LRP1B: variants seen among roughly 807,000 people sequenced by gnomAD.
The protein encoded by LRP1B is low-density lipoprotein receptor-related protein 1B.
In LRP1B, 217 loss-of-function variants were observed where a neutral mutation model predicts 556.6. The observed-to-expected ratio is 0.39, with a 90% confidence interval of 0.35 to 0.44. The LOEUF (loss-of-function observed/expected upper bound fraction) is 0.44, where lower values mean the gene tolerates loss of function less well. Among genes scored for constraint, LRP1B ranks in the 20% least tolerant of loss-of-function variants. The probability of loss-of-function intolerance (pLI) is 1.00; values close to 1 mark genes in which losing one functional copy is unlikely to be tolerated. For synonymous variants in LRP1B, 2,047 were observed against 1,865.8 expected (o/e 1.10, Z -2.50); for missense variants, 5,053 against 5,620.8 (o/e 0.90, Z 3.23).
intron 7 of LRP1B, among the ~76,000 whole-genome samples, chr2:141,130,109 G>T (rs1400852405): frequency 1.3e-5 from 2 of 151,848 alleles, no homozygotes; most frequent in Non-Finnish European, 2.9e-5. Context: ...TTAAAACAAG[G>T]TAGAGTGGCC....
At chr2:140,688,483 T>C (rs1368229367) in intron 41 of LRP1B, among the ~76,000 whole-genome samples, 1 of 151,690 alleles carries the variant, frequency 6.6e-6, no homozygotes, top group Non-Finnish European at 1.5e-5. Flanking sequence ...AGAAAATGAG[T>C]TTTACAAAGT....
chr2:141,878,409 A>T (rs114733097), intron 1 of LRP1B, among the ~76,000 whole-genome samples: 3,732 of 151,904 alleles, frequency 0.025, 69 homozygotes, highest in South Asian at 0.062. Flanking sequence ...ACACACACAA[A>T]CTCAAGAGCA....
chr2:141,240,613 T>C (rs1683829955), intron 5 of LRP1B, among the ~76,000 whole-genome samples: 2 of 152,110 alleles, frequency 1.3e-5, no homozygotes, highest in South Asian at 4.1e-4. Flanking sequence ...TAGAGGGTGA[T>C]ATAATTTCTC....
chr2:141,018,158 CAT>C (rs1356224176), intron 12 of LRP1B, among the ~76,000 whole-genome samples: 2 of 151,922 alleles, frequency 1.3e-5, no homozygotes, highest in African/African-American at 2.4e-5. Context: ...TCACATAAAA[CAT>C]AGGTTAATCT....
At chr2:141,077,061 A>G (rs1699806539) in intron 7 of LRP1B, among the ~76,000 whole-genome samples, 1 of 152,148 alleles carries the variant, frequency 6.6e-6, no homozygotes, top group Admixed American at 6.5e-5. Context: ...CCTGGCCAAT[A>G]TGGTGAAACC....
intron 2 of LRP1B, among the ~76,000 whole-genome samples, chr2:141,517,350 T>G (rs577498674): frequency 6.6e-6 from 1 of 150,946 alleles, no homozygotes; most frequent in East Asian, 2.0e-4. Context: ...GTTCTGATGC[T>G]AATCTTTCCC....
chr2:141,809,140 T>C (rs1439894912), intron 2 of LRP1B, among the ~76,000 whole-genome samples: 2 of 152,144 alleles, frequency 1.3e-5, no homozygotes, highest in Non-Finnish European at 2.9e-5. Flanking sequence ...CTATAAACTC[T>C]TCCTGTGGAA....
intron 3 of LRP1B, among the ~76,000 whole-genome samples, chr2:141,284,119 C>T (rs537542870): frequency 6.6e-6 from 1 of 152,196 alleles, no homozygotes; most frequent in Admixed American, 6.5e-5. Context: ...AATAAAAATG[C>T]ACAGTGGTCT....
intron 1 of LRP1B, among the ~76,000 whole-genome samples, chr2:141,886,386 G>A (rs1699113754): frequency 6.6e-6 from 1 of 152,120 alleles, no homozygotes; most frequent in South Asian, 2.1e-4. Context: ...ATGCAACACT[G>A]AAAATGAATG....
At chr2:141,839,585 A>C (rs1214107822) in intron 1 of LRP1B, among the ~76,000 whole-genome samples, 3 of 152,188 alleles carry the variant, frequency 2.0e-5, no homozygotes, top group Non-Finnish European at 2.9e-5. Context: ...TTAGGCTGTA[A>C]CAGTGGTTAG....
At chr2:141,775,923 A>G (rs1695054990) in intron 2 of LRP1B, among the ~76,000 whole-genome samples, 1 of 150,874 alleles carries the variant, frequency 6.6e-6, no homozygotes. Flanking sequence ...GCTCACTGCA[A>G]GCTCCGCCTC....
At chr2:141,833,818 C>G (rs6720677) in intron 1 of LRP1B, among the ~76,000 whole-genome samples, 15 of 147,514 alleles carry the variant, frequency 1.0e-4, no homozygotes, top group African/African-American at 4.0e-4. Flanking sequence ...TGAGGGCACC[C>G]TTCCTTTCTT....
At chr2:141,950,670 G>A (rs374227003) in intron 1 of LRP1B, among the ~76,000 whole-genome samples, 73 of 151,946 alleles carry the variant, frequency 4.8e-4, no homozygotes, top group Non-Finnish European at 8.2e-4. Context: ...TCTTAGAAAC[G>A]TCATCCTTCT....
intron 32 of LRP1B, among the ~76,000 whole-genome samples, chr2:140,780,809 C>T (rs926729474): frequency 6.6e-6 from 1 of 152,088 alleles, no homozygotes; most frequent in Admixed American, 6.6e-5. Flanking sequence ...TTTATTGCTA[C>T]AGGAGACTAG....
chr2:140,296,685 G>C (rs1432090690), intron 84 of LRP1B, among the ~76,000 whole-genome samples: 3 of 152,162 alleles, frequency 2.0e-5, no homozygotes, highest in African/African-American at 7.2e-5. Flanking sequence ...TGTAGACGAT[G>C]TTTTAAGAAG....
At chr2:141,824,414 C>T (rs955238893) in intron 1 of LRP1B, among the ~76,000 whole-genome samples, 4 of 152,318 alleles carry the variant, frequency 2.6e-5, no homozygotes, top group South Asian at 4.1e-4. Context: ...GGCTGGAATG[C>T]AGTGGCGCGA....
intron 2 of LRP1B, among the ~76,000 whole-genome samples, 166 bp downstream of exon 2, chr2:141,810,113 A>AAAAG (rs67681645): frequency 0.25 from 19,498 of 76,926 alleles, 1,632 homozygotes; most frequent in Non-Finnish European, 0.29. Flanking sequence ...GAAAGAAAGA[A>AAAAG]AAAGAAAGAA....
At chr2:140,594,078 A>T (rs1682336487) in intron 43 of LRP1B, among the ~76,000 whole-genome samples, 1 of 151,954 alleles carries the variant, frequency 6.6e-6, no homozygotes, top group Non-Finnish European at 1.5e-5. Context: ...CCTGGGTTCA[A>T]GCGATTCTCC....
rs772159990 is a variant in LRP1B at position 140,457,584 on chromosome 2, A to C, written c.9693T>G (p.Asp3231Glu). 9.3e-6 allele frequency: 15 copies of C among 1,613,852 alleles called. No individual in the cohort carries two copies. In the South Asian group the frequency reaches 1.6e-4, roughly 18 times the overall value. ...CACGGCTGAGTGACTTGGTTTTCCC[A>C]TCAGTCCAGTAGATGTAGTCTTCAA... ...TLFEDYIYWT[D>E]GKTKSLSRAH... The change falls in exon 61 of 91, where the codon GAT becomes GAG. Residue 3231 changes from aspartate to glutamate, a missense_variant. Physicochemically the swap from Asp to Glu is conservative, Grantham distance 45 (BLOSUM62 2). Around this residue, in one of 5 missense-constraint regions of LRP1B, gnomAD observed 262 missense variants for 395.1 expected, o/e 0.66. Coordinates refer to ENST00000389484, the MANE Select transcript of LRP1B (RefSeq NM_018557.3).
Sources: gnomAD v4.1 joint callset for allele counts (sites outside exome capture counted in the v4.1 genomes callset) on GRCh38, gnomAD v4.1.1 for gene constraint, gnomAD v4.1.1 regional missense constraint, MANE v1.5 for transcripts, NCBI Gene and HGNC (gene_info 2026-07-23, HGNC 2026-07-21) for gene names.